The following ADAMTS3 variants were observed in gnomAD, a reference collection of about 807,000 sequenced individuals.
ADAMTS3 encodes the protein ADAM metallopeptidase with thrombospondin type 1 motif 3, also known as A disintegrin and metalloproteinase with thrombospondin motifs 3.
A neutral mutation model predicts 129.0 loss-of-function variants in ADAMTS3; 73 were observed. That is an observed-to-expected ratio of 0.57 (90% CI 0.47 to 0.69). ADAMTS3 has a LOEUF of 0.69. Ranked by LOEUF, ADAMTS3 falls within the 30% of genes least tolerant of loss-of-function variation. The probability of loss-of-function intolerance (pLI) is 0.00; values close to 1 mark genes in which losing one functional copy is unlikely to be tolerated. For missense variants in ADAMTS3, 1,457 were observed against 1,514.5 expected (o/e 0.96, Z 0.63); for synonymous variants, 477 against 510.8 (o/e 0.93, Z 0.89).
intron 5 of ADAMTS3, among the ~76,000 whole-genome samples, chr4:72,323,890 C>T (rs774122569): frequency 2.6e-5 from 4 of 152,092 alleles, no homozygotes; most frequent in Non-Finnish European, 5.9e-5. Flanking sequence ...AAAATAAAGC[C>T]TGTAGAAATT....
chr4:72,327,587 A>G (rs1293584661), intron 5 of ADAMTS3, among the ~76,000 whole-genome samples: 1 of 152,172 alleles, frequency 6.6e-6, no homozygotes, highest in East Asian at 1.9e-4. Context: ...TGCCCAGAGA[A>G]GTTAAGTAAC....
chr4:72,530,394 CAT>C (rs1720977540), intron 3 of ADAMTS3, among the ~76,000 whole-genome samples: 3 of 66,002 alleles, frequency 4.5e-5, no homozygotes, highest in South Asian at 1.1e-3. Flanking sequence ...ATTAAATTAA[CAT>C]ATATGAATTT....
At chr4:72,410,735 C>A (rs1010081482) in intron 4 of ADAMTS3, among the ~76,000 whole-genome samples, 1 of 151,930 alleles carries the variant, frequency 6.6e-6, no homozygotes, top group African/African-American at 2.4e-5. Context: ...ATTTATGACC[C>A]TTTAATTTTT....
intron 3 of ADAMTS3, among the ~76,000 whole-genome samples, chr4:72,529,697 A>C (rs1318689600): frequency 8.3e-6 from 1 of 121,188 alleles, no homozygotes; most frequent in East Asian, 2.2e-4. Flanking sequence ...TAAATAATAT[A>C]TATTAATATT....
intron 2 of ADAMTS3, among the ~76,000 whole-genome samples, chr4:72,555,256 A>C (rs992998293): frequency 1.3e-5 from 2 of 151,500 alleles, no homozygotes; most frequent in African/African-American, 4.9e-5. Flanking sequence ...AGCCCTCTGC[A>C]CTCTGCCCCT....
chr4:72,523,843 A>T (rs1720737431), intron 3 of ADAMTS3, among the ~76,000 whole-genome samples: 1 of 152,128 alleles, frequency 6.6e-6, no homozygotes. Context: ...TCTATTTATC[A>T]AATACAATTT....
chr4:72,477,522 T>G (rs1347352403), intron 3 of ADAMTS3, among the ~76,000 whole-genome samples: 1 of 151,600 alleles, frequency 6.6e-6, no homozygotes, highest in Admixed American at 6.6e-5. Flanking sequence ...TACCAGAATC[T>G]CTGGGACACA....
At chr4:72,284,270 C>G (rs529481121) in intron 21 of ADAMTS3, among the ~76,000 whole-genome samples, 1 of 152,006 alleles carries the variant, frequency 6.6e-6, no homozygotes. Flanking sequence ...AGTGAAAAGC[C>G]GTCTCTACTA....
chr4:72,498,589 C>T (rs1719928229), intron 3 of ADAMTS3, among the ~76,000 whole-genome samples: 1 of 151,898 alleles, frequency 6.6e-6, no homozygotes, highest in South Asian at 2.1e-4. Context: ...AAAAACAGAA[C>T]ATTCTACCTC....
Position 72,318,711 on chromosome 4 carries a change from G to A in ADAMTS3, c.1353-7C>T. The A allele has an allele frequency of 6.2e-7, 1 of 1,607,858 alleles. No individual in the cohort carries two copies. Among genetic ancestry groups the A allele is most frequent in the Non-Finnish European group, 8.5e-7 (1 of 1,177,832 alleles). On this transcript the variant is annotated splice_region_variant and splice_polypyrimidine_tract_variant and intron_variant, in intron 9 of 21. Transcript: ENST00000286657. ...AAGGAGACAGTCATAGGAACTGTAGGAAGAAAAATATTGCATGTAGTTAAA... is the reference window on the plus strand; with the variant it reads ...AAGGAGACAGTCATAGGAACTGTAGAAAGAAAAATATTGCATGTAGTTAAA...
intron 5 of ADAMTS3, among the ~76,000 whole-genome samples, chr4:72,329,896 C>T (rs2109820419): frequency 6.6e-6 from 1 of 152,200 alleles, no homozygotes; most frequent in African/African-American, 2.4e-5. Context: ...CAGTGTTGCT[C>T]AAGGTTTGTT....
At chr4:72,540,319 T>A (rs546703122) in intron 3 of ADAMTS3, among the ~76,000 whole-genome samples, 3 of 152,272 alleles carry the variant, frequency 2.0e-5, no homozygotes, top group African/African-American at 7.2e-5. Flanking sequence ...TGATTTAGGG[T>A]ATCTGCTAGA....
chr4:72,284,887 T>G (rs941486783), intron 21 of ADAMTS3, among the ~76,000 whole-genome samples: 4 of 152,200 alleles, frequency 2.6e-5, no homozygotes, highest in Admixed American at 6.5e-5. Context: ...GGGTATACCT[T>G]ATGAAATAAA....
intron 3 of ADAMTS3, among the ~76,000 whole-genome samples, chr4:72,461,930 C>A (rs1021755038): frequency 6.6e-6 from 1 of 151,830 alleles, no homozygotes; most frequent in Non-Finnish European, 1.5e-5. Flanking sequence ...TCTACTTCAT[C>A]CTTTATCGCT....
chr4:72,449,496 C>T (rs563049733), intron 3 of ADAMTS3, among the ~76,000 whole-genome samples: 18 of 151,850 alleles, frequency 1.2e-4, no homozygotes, highest in African/African-American at 4.3e-4. Context: ...ACCTCCACAA[C>T]ATCCATTACC....
chr4:72,476,995 A>G (rs1325188131), intron 3 of ADAMTS3, among the ~76,000 whole-genome samples: 3 of 152,178 alleles, frequency 2.0e-5, no homozygotes, highest in Non-Finnish European at 4.4e-5. Flanking sequence ...TGTAATAAAA[A>G]ATGCTCAGAA....
At chr4:72,324,342 A>G (rs2109813078) in intron 5 of ADAMTS3, among the ~76,000 whole-genome samples, 1 of 152,300 alleles carries the variant, frequency 6.6e-6, no homozygotes. Context: ...CAAGAATCCA[A>G]CGTGACTGCA....
chr4:72,397,034 A>C (rs1721742452), intron 4 of ADAMTS3, among the ~76,000 whole-genome samples: 1 of 152,064 alleles, frequency 6.6e-6, no homozygotes, highest in South Asian at 2.1e-4. Context: ...TCATGCCCTC[A>C]TCACCTCTCA....
At chr4:72,438,527 T>C (rs1718029846) in intron 3 of ADAMTS3, among the ~76,000 whole-genome samples, 5 of 151,774 alleles carry the variant, frequency 3.3e-5, no homozygotes, top group African/African-American at 1.2e-4. Context: ...ATAAATCTCT[T>C]TCTGTCTGAC....
Sources: gnomAD v4.1 joint callset for allele counts (sites outside exome capture counted in the v4.1 genomes callset) on GRCh38, gnomAD v4.1.1 for gene constraint, MANE v1.5 for transcripts, NCBI Gene and HGNC (gene_info 2026-07-23, HGNC 2026-07-21) for gene names.